ATXN7: variants seen among roughly 807,000 people sequenced by gnomAD.
ATXN7 encodes ataxin-7.
A neutral mutation model predicts 70.5 loss-of-function variants in ATXN7; 12 were observed. The observed-to-expected ratio is 0.17, with a 90% CI of 0.11 to 0.28. The LOEUF (loss-of-function observed/expected upper bound fraction) is 0.28, where lower values mean the gene tolerates loss of function less well. Among genes scored for constraint, ATXN7 ranks in the 10% least tolerant of loss-of-function variants. The pLI is 1.00. For synonymous variants in ATXN7, 498 were observed against 448.7 expected (o/e 1.11, Z -1.39); for missense variants, 1,256 against 1,131.7 (o/e 1.11, Z -1.58).
At chr3:63,988,613 T>A (rs1163146933) in intron 9 of ATXN7, 1 of 364,346 alleles carries the variant, frequency 2.7e-6, no homozygotes, top group Non-Finnish European at 4.9e-6. Flanking sequence ...AGAAATTGGG[T>A]CCTTCCTGCG....
At chr3:63,950,909 T>C (rs1181999933) in intron 4 of ATXN7, among the ~76,000 whole-genome samples, 1 of 152,196 alleles carries the variant, frequency 6.6e-6, no homozygotes. Flanking sequence ...CATTGGAATC[T>C]GGAAGGACTC....
At chr3:63,983,204 G>A (rs748594662) in intron 8 of ATXN7, among the ~76,000 whole-genome samples, 183 bp downstream of exon 8, 2 of 152,170 alleles carry the variant, frequency 1.3e-5, no homozygotes, top group Non-Finnish European at 2.9e-5. Context: ...AATGTGAAGT[G>A]CGTTGTTATA....
At chr3:63,926,071 A>C (rs1473578504) in intron 4 of ATXN7, among the ~76,000 whole-genome samples, 1 of 152,232 alleles carries the variant, frequency 6.6e-6, no homozygotes, top group Non-Finnish European at 1.5e-5. Context: ...GTGGAATTTT[A>C]AAATGTACTT....
intron 4 of ATXN7, among the ~76,000 whole-genome samples, chr3:63,916,706 G>T (rs1346865987): frequency 6.6e-6 from 1 of 152,198 alleles, no homozygotes; most frequent in Non-Finnish European, 1.5e-5. Context: ...TTGTGGTTTA[G>T]GTAGTATATC....
At chr3:63,973,832 G>A (rs549215261) in intron 5 of ATXN7, among the ~76,000 whole-genome samples, 1 of 152,188 alleles carries the variant, frequency 6.6e-6, no homozygotes, top group South Asian at 2.1e-4. Flanking sequence ...CTCAGAATGG[G>A]GAGTGCCTGC....
At chr3:63,936,801 C>A (rs1334091797) in intron 4 of ATXN7, among the ~76,000 whole-genome samples, 1 of 152,180 alleles carries the variant, frequency 6.6e-6, no homozygotes, top group African/African-American at 2.4e-5. Flanking sequence ...TCCTTGAATA[C>A]AGCTTGATTT....
chr3:63,879,241 A>C (rs184993732), intron 1 of ATXN7, among the ~76,000 whole-genome samples: 8 of 152,320 alleles, frequency 5.3e-5, no homozygotes, highest in African/African-American at 1.7e-4. Context: ...TTAAATATTC[A>C]AAGAGAGAAT....
intron 1 of ATXN7, among the ~76,000 whole-genome samples, chr3:63,880,765 C>G (rs1174800175): frequency 2.0e-5 from 3 of 152,026 alleles, no homozygotes; most frequent in Non-Finnish European, 4.4e-5. Context: ...GCTTTAAAAC[C>G]CTGTGTATTC....
chr3:63,990,430 C>T, intron 10 of ATXN7, 56 bp downstream of exon 10: 2 of 1,593,668 alleles, frequency 1.3e-6, no homozygotes, highest in East Asian at 2.2e-5. Context: ...GGACAGGGCA[C>T]TGCAGGGGGG....
intron 1 of ATXN7, among the ~76,000 whole-genome samples, chr3:63,893,264 G>A (rs1475292615): frequency 6.6e-6 from 1 of 152,182 alleles, no homozygotes; most frequent in Non-Finnish European, 1.5e-5. Flanking sequence ...CTTGATCAGG[G>A]TTTTGCACAA....
intron 4 of ATXN7, among the ~76,000 whole-genome samples, chr3:63,923,054 C>A (rs1444125212): frequency 6.6e-6 from 1 of 152,156 alleles, no homozygotes; most frequent in Non-Finnish European, 1.5e-5. Flanking sequence ...CACTTTCTGA[C>A]CAGTTTCAGA....
intron 4 of ATXN7, among the ~76,000 whole-genome samples, chr3:63,914,801 C>G (rs7627690): frequency 2.0e-5 from 3 of 151,998 alleles, no homozygotes; most frequent in African/African-American, 4.8e-5. Context: ...GACTGTACCT[C>G]ATTTTTGCTA....
At chr3:63,934,445 T>A (rs2074620458) in intron 4 of ATXN7, among the ~76,000 whole-genome samples, 1 of 152,056 alleles carries the variant, frequency 6.6e-6, no homozygotes, top group Non-Finnish European at 1.5e-5. Context: ...CCTACTTCTT[T>A]CCAGAGATCA....
chr3:63,970,688 A>G (rs2075296556), intron 5 of ATXN7, among the ~76,000 whole-genome samples: 1 of 152,304 alleles, frequency 6.6e-6, no homozygotes, highest in African/African-American at 2.4e-5. Context: ...TGAGGTTGCC[A>G]TATTTCTGCT....
intron 7 of ATXN7, 38 bp from the exon 8 acceptor site, chr3:63,982,901 T>TTGAC (rs749646697): frequency 6.6e-7 from 1 of 1,509,846 alleles, no homozygotes; most frequent in African/African-American, 1.4e-5. Context: ...GGAGGAGAGT[T>TTGAC]TGTCAGGCCA....
intron 5 of ATXN7, among the ~76,000 whole-genome samples, chr3:63,971,282 A>G (rs28607841): frequency 0.011 from 1,632 of 152,304 alleles, 32 homozygotes; most frequent in African/African-American, 0.037. Context: ...ACTGCATGTC[A>G]GAGGTCAGTT....
rs1702317267 is a variant in ATXN7 at position 63,863,951 on chromosome 3, G to GT, written c.-318_-317insT. The GT allele has an allele frequency of 2.5e-5, 2 of 81,270 alleles. No individual in the cohort carries two copies. Among genetic ancestry groups the GT allele is most frequent in the Non-Finnish European group, 5.5e-5 (2 of 36,608 alleles). The allele number at this position is 81,270 out of a possible 1,614,324, so 5.0% of individuals were successfully genotyped here. A position where few individuals can be genotyped will look rare whatever the true frequency, so the allele number is the denominator to read the frequency against. On this transcript the variant is annotated 5_prime_UTR_variant, in exon 1 of 13. It introduces an in-frame stop codon into an upstream open reading frame of the 5' UTR. Coordinates refer to ENST00000674280, the MANE Select transcript of ATXN7 (RefSeq NM_001377405.1). Reference sequence around the variant, plus strand: ...TCCGACGCCTGAGCCGCGCCGCGCCGCGCCGCCGCCGCCGCCGCCGCCGCC... The same window carrying GT: ...TCCGACGCCTGAGCCGCGCCGCGCCGTCGCCGCCGCCGCCGCCGCCGCCGCC...
At chr3:63,908,700 C>A (rs955132223) in intron 2 of ATXN7, among the ~76,000 whole-genome samples, 1 of 152,102 alleles carries the variant, frequency 6.6e-6, no homozygotes, top group African/African-American at 2.4e-5. Context: ...TTACATTAAA[C>A]TGGATTTAAT....
intron 1 of ATXN7, among the ~76,000 whole-genome samples, chr3:63,891,740 T>A (rs1407044018): frequency 3.3e-5 from 5 of 152,224 alleles, no homozygotes; most frequent in Non-Finnish European, 7.3e-5. Context: ...TATAGGTGAC[T>A]ATTGGCGATC....
Sources: gnomAD v4.1 joint callset for allele counts (sites outside exome capture counted in the v4.1 genomes callset) on GRCh38, gnomAD v4.1.1 for gene constraint, MANE v1.5 for transcripts, NCBI Gene and HGNC (gene_info 2026-07-23, HGNC 2026-07-21) for gene names.